TXNRD1: variants seen among roughly 807,000 people sequenced by gnomAD.
The protein encoded by TXNRD1 is thioredoxin reductase 1, cytoplasmic.
In TXNRD1, 57 loss-of-function variants were observed where a neutral mutation model predicts 80.3. The observed-to-expected ratio is 0.71, with a 90% CI of 0.57 to 0.89. The LOEUF (loss-of-function observed/expected upper bound fraction) is 0.89. TXNRD1 is among the 40% of genes least tolerant of loss of function. TXNRD1 has a pLI of 0.00. For synonymous variants in TXNRD1, 291 were observed against 285.2 expected (o/e 1.02, Z -0.20); for missense variants, 730 against 803.0 (o/e 0.91, Z 1.10).
intron 3 of TXNRD1, among the ~76,000 whole-genome samples, chr12:104,267,719 T>TTCTCTC (rs769724608): frequency 4.8e-5 from 2 of 41,728 alleles, no homozygotes; most frequent in Admixed American, 2.8e-4. Context: ...CTTTCTTTCT[T>TTCTCTC]TCTCTTTCTT....
At chr12:104,307,687 G>A (rs1029041791) in intron 4 of TXNRD1, among the ~76,000 whole-genome samples, 5 of 152,184 alleles carry the variant, frequency 3.3e-5, no homozygotes, top group African/African-American at 7.2e-5. Context: ...TATGTTTAGG[G>A]GAAAAGTCAG....
intron 1 of TXNRD1, among the ~76,000 whole-genome samples, chr12:104,239,020 G>A (rs2032801060): frequency 6.6e-6 from 1 of 151,612 alleles, no homozygotes; most frequent in Non-Finnish European, 1.5e-5. Flanking sequence ...TTCATGTGAT[G>A]CCCTTGTCTG....
chr12:104,266,936 C>T (rs1390927538), intron 3 of TXNRD1, among the ~76,000 whole-genome samples: 14 of 148,548 alleles, frequency 9.4e-5, no homozygotes, highest in Non-Finnish European at 1.6e-4. Flanking sequence ...CACTCCAGCC[C>T]AGGCGACAGA....
intron 16 of TXNRD1, among the ~76,000 whole-genome samples, chr12:104,342,049 T>G (rs1482603372): frequency 6.6e-6 from 1 of 152,158 alleles, no homozygotes; most frequent in East Asian, 1.9e-4. Flanking sequence ...TGTGGCATCT[T>G]CCCAGCACCT....
chr12:104,256,776 CAA>C (rs71069738), intron 2 of TXNRD1, among the ~76,000 whole-genome samples: 11 of 119,024 alleles, frequency 9.2e-5, no homozygotes, highest in Admixed American at 3.8e-4. Flanking sequence ...GACTCTGTCT[CAA>C]AAAAAAAAAA....
At chr12:104,339,376 A>G (rs1593877391) in intron 16 of TXNRD1, 103 bp downstream of exon 16, 4 of 1,500,688 alleles carry the variant, frequency 2.7e-6, no homozygotes, top group East Asian at 4.5e-5. Context: ...GAGTTTGATG[A>G]TGATTCCTCA....
At chr12:104,228,005 A>T (rs1255021204) in intron 1 of TXNRD1, among the ~76,000 whole-genome samples, 1 of 152,114 alleles carries the variant, frequency 6.6e-6, no homozygotes, top group Non-Finnish European at 1.5e-5. Flanking sequence ...TAAGTTTTTT[A>T]AAAATTGATA....
At chr12:104,294,662 C>T (rs1028627185) in intron 4 of TXNRD1, among the ~76,000 whole-genome samples, 1 of 152,176 alleles carries the variant, frequency 6.6e-6, no homozygotes, top group African/African-American at 2.4e-5. Context: ...GCCTGGGTGG[C>T]TTGCCACCCA....
chr12:104,319,129 T>A, intron 8 of TXNRD1, 74 bp downstream of exon 8: 1 of 1,489,562 alleles, frequency 6.7e-7, no homozygotes, highest in Non-Finnish European at 9.0e-7. Context: ...TAGAAAATGT[T>A]AAAGTATTAT....
intron 1 of TXNRD1, among the ~76,000 whole-genome samples, chr12:104,233,162 A>G (rs1421775297): frequency 6.6e-6 from 1 of 152,256 alleles, no homozygotes; most frequent in Non-Finnish European, 1.5e-5. Flanking sequence ...GTACAAGGAC[A>G]TAGAATGTAC....
rs373512310 is a variant in TXNRD1 at position 104,311,447 on chromosome 12, T to C, written c.537+35T>C. On this transcript the variant is annotated intron_variant, in intron 5 of 16. Coordinates refer to ENST00000525566, the MANE Select transcript of TXNRD1 (RefSeq NM_001093771.3). ...CTTGTGTTGTCTGTTGTCTGTTGTC[T>C]GGGTGGTGATTAGAATATTAACATC... 2.5e-6 allele frequency: 4 copies of C among 1,605,116 alleles called. No homozygotes were observed. The South Asian group carries it at 4.4e-5, about 18-fold the overall frequency.
intron 3 of TXNRD1, among the ~76,000 whole-genome samples, chr12:104,279,399 C>A (rs952034109): frequency 2.0e-5 from 3 of 152,124 alleles, no homozygotes; most frequent in African/African-American, 7.2e-5. Flanking sequence ...TTGCTCAATG[C>A]TTGGAAGTTA....
rs35186489 is a variant in TXNRD1, at chr12:104,311,254, A to C, written c.415-36A>C. On this transcript the variant is annotated intron_variant, in intron 4 of 16. Transcript: ENST00000525566. ...AGCTTTTTGGACATTGCTGATTTTA[A>C]GTTAAATTATTTTCTCTTCTGTTAT... is the stretch of plus-strand genomic sequence containing the variant. The C allele has an allele frequency of 3.8e-3, 5,772 of 1,527,370 alleles. 213 individuals carry two copies. The African/African-American group carries it at 0.071, about 19-fold the overall frequency. The allele number at this position is 1,527,370 out of a possible 1,614,324, so 94.6% of individuals were successfully genotyped here.
intron 3 of TXNRD1, among the ~76,000 whole-genome samples, chr12:104,281,552 G>A (rs1222026569): frequency 2.6e-5 from 4 of 151,536 alleles, no homozygotes; most frequent in Non-Finnish European, 5.9e-5. Context: ...GACTACAGGC[G>A]CCTGCTACCA....
At chr12:104,234,698 A>G (rs7969894) in intron 1 of TXNRD1, among the ~76,000 whole-genome samples, 147,456 of 150,260 alleles carry the variant, frequency 0.98, 72,365 homozygotes, top group East Asian at 1. Context: ...ACCTCTCATG[A>G]AGGAATGTTA....
At chr12:104,324,611 A>C (rs572752865) in intron 10 of TXNRD1, among the ~76,000 whole-genome samples, 1 of 149,242 alleles carries the variant, frequency 6.7e-6, no homozygotes, top group East Asian at 2.0e-4. Context: ...CGGCCTCCCA[A>C]AGTGCTGGGA....
chr12:104,246,322 G>A (rs778746925), intron 1 of TXNRD1, among the ~76,000 whole-genome samples: 6 of 149,372 alleles, frequency 4.0e-5, no homozygotes, highest in Non-Finnish European at 7.4e-5. Context: ...CAGCTACTCG[G>A]GAGGCTGAGG....
intron 1 of TXNRD1, among the ~76,000 whole-genome samples, chr12:104,242,463 G>A (rs561750343): frequency 6.6e-6 from 1 of 151,814 alleles, no homozygotes; most frequent in African/African-American, 2.4e-5. Flanking sequence ...CAGGAGAATC[G>A]CTTGAACCTG....
chr12:104,252,008 G>A (rs2033127839), intron 2 of TXNRD1, among the ~76,000 whole-genome samples: 1 of 147,892 alleles, frequency 6.8e-6, no homozygotes, highest in Admixed American at 6.9e-5. Context: ...AGGTTGCAGT[G>A]AGCCGAGATA....
Sources: allele counts gnomAD v4.1 joint callset (sites outside exome capture counted in the v4.1 genomes callset), GRCh38; gene constraint gnomAD v4.1.1; transcripts MANE v1.5; gene names NCBI Gene and HGNC (gene_info 2026-07-23, HGNC 2026-07-21).